The following USP20 variants were observed in gnomAD, a reference collection of about 807,000 sequenced individuals.
USP20 encodes ubiquitin carboxyl-terminal hydrolase 20.
USP20 carries 80 observed loss-of-function variants against 124.2 expected under a neutral mutation model. The observed-to-expected ratio is 0.64, with a 90% confidence interval of 0.54 to 0.78. The LOEUF is 0.78. Ranked by LOEUF, USP20 falls within the 30% of genes least tolerant of loss-of-function variation. The pLI, the probability that USP20 is intolerant of heterozygous loss-of-function variation, is 0.00. For synonymous variants in USP20, 481 were observed against 512.3 expected (o/e 0.94, Z 0.83); for missense variants, 1,043 against 1,244.4 (o/e 0.84, Z 2.44).
chr9:129,857,887 C>G (rs1208879126), intron 4 of USP20, among the ~76,000 whole-genome samples, 163 bp from the exon 5 acceptor site: 1 of 152,224 alleles, frequency 6.6e-6, no homozygotes, highest in East Asian at 1.9e-4. Context: ...TTCAGGTGTA[C>G]AGACCTACAG....
chr9:129,875,686 C>T (rs1564222876), intron 21 of USP20, 45 bp downstream of exon 21: 1 of 1,581,104 alleles, frequency 6.3e-7, no homozygotes, highest in Non-Finnish European at 8.7e-7. Context: ...GTCCAGGGCC[C>T]AGCTGGGCAG....
rs918474646 is a variant in USP20, at chr9:129,839,003, C to T, written c.-129+3504C>T. Among the ~76,000 whole-genome samples, 2 of 152,172 alleles carry T rather than the reference C, an allele frequency of 1.3e-5. No homozygotes were observed. Among genetic ancestry groups the T allele is most frequent in the Non-Finnish European group, 2.9e-5 (2 of 68,030 alleles). ...GCTCTGAAGAATGACTCAGAAGAGG[C>T]TCTTGTGAGGAAGCTTCCTTGGAGT... is the stretch of plus-strand genomic sequence containing the variant. On this transcript the variant is annotated intron_variant, in intron 1 of 25. Coordinates refer to ENST00000372429, the MANE Select transcript of USP20 (RefSeq NM_001110303.4). This position sits in a 1 kb window ranked among gnomAD's most constrained non-coding sequence, Gnocchi z 4.5.
chr9:129,850,459 G>A (rs1036120338), intron 2 of USP20, among the ~76,000 whole-genome samples: 12 of 152,196 alleles, frequency 7.9e-5, no homozygotes, highest in Middle Eastern at 3.4e-3. Flanking sequence ...TTTCATAAAC[G>A]AATGCACAAA....
Position 129,860,934 on chromosome 9 carries a change from C to T in USP20, c.331-3C>T. On this transcript the variant is annotated splice_polypyrimidine_tract_variant and splice_region_variant and intron_variant, in intron 6 of 25. Coordinates refer to ENST00000372429, the MANE Select transcript of USP20 (RefSeq NM_001110303.4). ...TTTTCCTCACTTTGGGTCTTTAACA[C>T]AGGACTCCCCGCCACCCTCCCACCC... The T allele has an allele frequency of 6.2e-7, 1 of 1,613,976 alleles. No individual in the cohort carries two copies. The highest frequency in any genetic ancestry group is 8.5e-7 in the Non-Finnish European group (1 of 1,179,838).
intron 10 of USP20, among the ~76,000 whole-genome samples, chr9:129,866,745 T>G (rs913322): frequency 0.86 from 131,172 of 151,946 alleles, 57,024 homozygotes; most frequent in East Asian, 1. Context: ...GCCAAAAGAC[T>G]CTTTTGTGCT....
chr9:129,865,052 G>T (rs914310006), intron 9 of USP20, among the ~76,000 whole-genome samples: 1 of 152,208 alleles, frequency 6.6e-6, no homozygotes, highest in African/African-American at 2.4e-5. Context: ...AGGCGAGTTT[G>T]TTGTGCACCA....
intron 1 of USP20, chr9:129,835,751 C>T (rs1047630552): frequency 6.6e-6 from 1 of 152,382 alleles, no homozygotes; most frequent in African/African-American, 2.4e-5. Flanking sequence ...TCTCCAGAAC[C>T]GGGGCCGCCC....
rs183760578 is a variant in USP20 at position 129,869,571 on chromosome 9, A to G, written c.1393-101A>G. 3.8e-5 allele frequency: 58 copies of G among 1,543,450 alleles called. No homozygotes were observed. In the African/African-American group the frequency reaches 6.2e-4, roughly 17 times the overall value. ...CCCTGCCTGCGTGGATCCCGTGTCT[A>G]TGGCCTGGGGAGTAGTCCCTCTGCC... On this transcript the variant is annotated intron_variant, in intron 13 of 25. Coordinates refer to ENST00000372429, the MANE Select transcript of USP20 (RefSeq NM_001110303.4).
chr9:129,852,668 C>G, intron 3 of USP20, 32 bp downstream of exon 3: 1 of 1,557,982 alleles, frequency 6.4e-7, no homozygotes, highest in African/African-American at 1.4e-5. Flanking sequence ...GGCCAGGGCC[C>G]ACACCCAGGG....
At chr9:129,878,577 CAGAG>C (rs2034507102) in intron 23 of USP20, 137 bp downstream of exon 23, 1 of 739,358 alleles carries the variant, frequency 1.4e-6, no homozygotes, top group Non-Finnish European at 2.2e-6. Flanking sequence ...CCAGGGTGAA[CAGAG>C]AGCATGGGGC....
chr9:129,838,042 ATTTTTTT>A (rs35724053), intron 1 of USP20, among the ~76,000 whole-genome samples: 1 of 142,528 alleles, frequency 7.0e-6, no homozygotes, highest in East Asian at 2.1e-4. Context: ...GTTGACAACA[ATTTTTTT>A]TTTTTTTTTT....
chr9:129,855,699 ATC>A (rs1355915799), intron 3 of USP20, among the ~76,000 whole-genome samples: 1 of 152,200 alleles, frequency 6.6e-6, no homozygotes, highest in Non-Finnish European at 1.5e-5. Context: ...GGAAAACGTC[ATC>A]TGCAGCAGGC....
rs1490389667 is a variant in USP20, at chr9:129,881,420, C to T, written c.*970C>T. 6.6e-6 allele frequency: 1 copy of T among 152,202 alleles called. No homozygotes were observed. Among genetic ancestry groups the T allele is most frequent in the Admixed American group, 6.5e-5 (1 of 15,288 alleles). The allele number at this position is 152,202 out of a possible 1,614,324, so 9.4% of individuals were successfully genotyped here. A position where few individuals can be genotyped will look rare whatever the true frequency, so the allele number is the denominator to read the frequency against. The stretch of plus-strand genomic sequence containing the variant: ...GGAGCCACTGAGCACAGCAAGGCAC[C>T]AAAGCCCCTGGAGAAACCGCCAGGG... On this transcript the variant is annotated 3_prime_UTR_variant, in exon 26 of 26. Coordinates refer to ENST00000372429, the MANE Select transcript of USP20 (RefSeq NM_001110303.4).
Position 129,839,982 on chromosome 9 carries a change from A to C in USP20, c.-129+4483A>C, listed in dbSNP as rs1564193474. 6.6e-6 allele frequency among the ~76,000 whole-genome samples: 1 copy of C among 151,932 alleles called. No individual in the cohort carries two copies. Among genetic ancestry groups the C allele is most frequent in the Non-Finnish European group, 1.5e-5 (1 of 67,962 alleles). ...CCTTTATGAGCCTGAAGCATCTTGGAGGTCTCCTGGGGCCAGCAATGGTGG... is the reference window on the plus strand; with the variant it reads ...CCTTTATGAGCCTGAAGCATCTTGGCGGTCTCCTGGGGCCAGCAATGGTGG... On this transcript the variant is annotated intron_variant, in intron 1 of 25. Coordinates refer to ENST00000372429, the MANE Select transcript of USP20 (RefSeq NM_001110303.4). The surrounding 1 kb of genome is among the most constrained non-coding windows in gnomAD (Gnocchi z 4.5).
Position 129,870,688 on chromosome 9 carries a change from C to G in USP20, c.1660+141C>G. On this transcript the variant is annotated intron_variant, in intron 15 of 25. Transcript: ENST00000372429. ...ACTTGGCTTCCAAGGTTGATCCCAT[C>G]AGATACCCACGCCCACTGCCAGCCA... 7 of 935,644 alleles carry G rather than the reference C, an allele frequency of 7.5e-6. No homozygotes were observed. In the South Asian group the frequency reaches 1.2e-4, roughly 16 times the overall value. 58.0% of individuals were successfully genotyped at this position (935,644 alleles called of 1,614,324 possible).
Position 129,865,247 on chromosome 9 carries a change from G to A in USP20, c.612-56G>A, listed in dbSNP as rs371187691. On this transcript the variant is annotated intron_variant, in intron 9 of 25. Coordinates refer to ENST00000372429, the MANE Select transcript of USP20 (RefSeq NM_001110303.4). ...GACGGGCTGGCTGCCTGCTTCTCTC[G>A]GGAATGAGCAGCTCAAGGCAGGCTA... 2,046 of 1,585,360 alleles carry A rather than the reference G, an allele frequency of 1.3e-3. 3 individuals are homozygous for A. Among genetic ancestry groups the A allele is most frequent in the Non-Finnish European group, 1.7e-3 (1,954 of 1,154,426 alleles).
At chr9:129,867,664 C>T (rs1483628349) in intron 10 of USP20, among the ~76,000 whole-genome samples, 1 of 152,152 alleles carries the variant, frequency 6.6e-6, no homozygotes, top group Admixed American at 6.5e-5. Flanking sequence ...TGTGGTACTG[C>T]CTCTCTGTCC....
intron 3 of USP20, among the ~76,000 whole-genome samples, chr9:129,853,815 G>A (rs1028699062): frequency 1.3e-5 from 2 of 152,180 alleles, no homozygotes; most frequent in Non-Finnish European, 2.9e-5. Context: ...CAGAAGAGAG[G>A]TGGAGCACAG....
At chr9:129,837,247 A>C (rs13284361) in intron 1 of USP20, among the ~76,000 whole-genome samples, 26,658 of 152,068 alleles carry the variant, frequency 0.18, 2,776 homozygotes, top group South Asian at 0.25. Flanking sequence ...TCTCAAAAGG[A>C]CCCTCCGAGA....
Sources: allele counts gnomAD v4.1 joint callset (sites outside exome capture counted in the v4.1 genomes callset), GRCh38; gene constraint gnomAD v4.1.1; non-coding constraint Gnocchi (gnomAD v3.1); transcripts MANE v1.5; gene names NCBI Gene and HGNC (gene_info 2026-07-23, HGNC 2026-07-21).